Variants in PYGM observed in about 807,000 individuals in gnomAD.
The protein encoded by PYGM is glycogen phosphorylase, muscle associated, also known as glycogen phosphorylase, muscle form.
A neutral mutation model predicts 99.3 loss-of-function variants in PYGM; 81 were observed. The observed-to-expected ratio is 0.82, with a 90% CI of 0.68 to 0.98. The LOEUF (loss-of-function observed/expected upper bound fraction) is 0.98. Among genes scored for constraint, PYGM ranks in the 50% least tolerant of loss-of-function variants. The pLI, the probability that PYGM is intolerant of heterozygous loss-of-function variation, is 0.00. For synonymous variants in PYGM, 436 were observed against 451.5 expected (o/e 0.97, Z 0.44); for missense variants, 1,030 against 1,158.1 (o/e 0.89, Z 1.61).
rs1222462807 is a variant in PYGM at position 64,754,327 on chromosome 11, C to T, written c.1018G>A (p.Asp340Asn). ...GGGATGGCCAGGGAGGGGTGGGTGT[C>T]ATTGAGCTGGATGGCCACCTGGGGT... ...FPDKVAIQLNDTHPSLAIPEL... is the reference protein window; with the variant it reads ...FPDKVAIQLNNTHPSLAIPEL... The change falls in exon 9 of 20, where the codon GAC becomes AAC. Residue 340 changes from aspartate (D) to asparagine (N), a missense_variant. Transcript: ENST00000164139. The surrounding 1 kb of genome is among the most constrained non-coding windows in gnomAD (Gnocchi z 5.5). 9.3e-6 allele frequency: 15 copies of T among 1,613,342 alleles called. No individual in the cohort carries two copies. The South Asian group carries it at 1.6e-4, about 18-fold the overall frequency.
Position 64,759,667 on chromosome 11 carries a change from T to A in PYGM, c.232A>T (p.Lys78Ter). Residue 78 changes from lysine to a stop codon, truncating the protein, a stop_gained, in exon 1 of 20, where the codon AAG (lysine) becomes TAG (stop). Transcript: ENST00000164139. LOFTEE classifies it high-confidence loss of function. ...CTCCCCAGCAGCACCTTGGGGTCCTTCTCATAGTAGTGCTGCTGCGTGCGG... is the reference window on the plus strand; with the variant it reads ...CTCCCCAGCAGCACCTTGGGGTCCTACTCATAGTAGTGCTGCTGCGTGCGG... ...WIRTQQHYYEKDPKRIYYLSL... is the reference protein window; with the variant it reads ...WIRTQQHYYE The A allele has an allele frequency of 6.2e-7, 1 of 1,613,716 alleles. No homozygotes were observed. Among genetic ancestry groups the A allele is most frequent in the Non-Finnish European group, 8.5e-7 (1 of 1,179,890 alleles).
chr11:64,747,122 G>T, intron 18 of PYGM, 102 bp downstream of exon 18: 1 of 1,575,120 alleles, frequency 6.3e-7, no homozygotes, highest in Non-Finnish European at 8.7e-7. Flanking sequence ...AAAGGCGCCT[G>T]GCTCCAACTA....
chr11:64,754,660 C>G lies in PYGM; in HGVS notation c.999+33G>C, dbSNP rs766974603. ...AGGGAGAGGCCTAGCACACACTGTC[C>G]GGTCACAGAGTCGCCCTCCACACGC... On this transcript the variant is annotated intron_variant, in intron 8 of 19. Transcript: ENST00000164139. This position sits in a 1 kb window ranked among gnomAD's most constrained non-coding sequence, Gnocchi z 5.5. 6.2e-7 allele frequency: 1 copy of G among 1,610,588 alleles called. No individual in the cohort carries two copies. Among genetic ancestry groups the G allele is most frequent in the Non-Finnish European group, 8.5e-7 (1 of 1,179,058 alleles).
Position 64,751,765 on chromosome 11 carries a change from A to G in PYGM, c.1769-110T>C, listed in dbSNP as rs1316920414. On this transcript the variant is annotated intron_variant, in intron 14 of 19. Transcript: ENST00000164139. ...GGCCTGACTCGAACAATCACTTGCT[A>G]TGCTCTCTTAGCCTCAGTTTGCCCA... 2.2e-5 allele frequency: 34 copies of G among 1,523,182 alleles called. No homozygotes were observed. In the Admixed American group the frequency reaches 5.7e-4, roughly 26 times the overall value. The allele number at this position is 1,523,182 out of a possible 1,614,324, so 94.4% of individuals were successfully genotyped here.
rs1301806354 is a variant in PYGM at position 64,747,346 on chromosome 11, C to T, written c.2190G>A (p.Gln730=). The change falls in exon 18 of 20, where the codon CAG becomes CAA. Residue 730 remains glutamine, a synonymous_variant. Coordinates refer to ENST00000164139, the MANE Select transcript of PYGM (RefSeq NM_005609.4). ...GCTCAGGAATGCGATCGTAGTACTC[C>T]TGGGCATTGTACCTGCCAGGACAGA... ...DKLDQRGYNA[Q]EYYDRIPELR... is the part of the protein sequence containing the mutation. The T allele has an allele frequency of 1.9e-6, 3 of 1,614,102 alleles. No individual in the cohort carries two copies. The highest frequency in any genetic ancestry group is 1.3e-5 in the African/African-American group (1 of 74,934).
Position 64,754,371 on chromosome 11 carries a change from G to C in PYGM, c.1000-26C>G, listed in dbSNP as rs1356840783. The C allele has an allele frequency of 4.5e-6, 7 of 1,555,216 alleles. No homozygotes were observed. In the South Asian group the frequency reaches 7.8e-5, roughly 17 times the overall value. ...CTGGGGTAGGGGGAGGGGTCAGTCT[G>C]GGCTCCAAACCACATTCCATGCTAT... On this transcript the variant is annotated intron_variant, in intron 8 of 19. Coordinates refer to ENST00000164139, the MANE Select transcript of PYGM (RefSeq NM_005609.4). This position sits in a 1 kb window ranked among gnomAD's most constrained non-coding sequence, Gnocchi z 5.5.
At chr11:64,757,365 G>C (rs138902000) in intron 5 of PYGM, among the ~76,000 whole-genome samples, 31 of 152,278 alleles carry the variant, frequency 2.0e-4, no homozygotes, top group African/African-American at 7.0e-4. Flanking sequence ...GATTTGGTTT[G>C]GTTTTAGGAT....
At chr11:64,750,006 A>G (rs2058342878) in intron 17 of PYGM, among the ~76,000 whole-genome samples, 1 of 152,020 alleles carries the variant, frequency 6.6e-6, no homozygotes, top group South Asian at 2.1e-4. Flanking sequence ...GTTAGCCAGG[A>G]TGGTCTGGAT....
rs142234258 is a variant in PYGM at position 64,757,779 on chromosome 11, C to T, written c.660G>A (p.Gln220=). The T allele has an allele frequency of 2.5e-3, 4,066 of 1,614,170 alleles. 8 individuals carry two copies. Among genetic ancestry groups the T allele is most frequent in the South Asian group, 6.7e-3 (608 of 91,082 alleles). The change falls in exon 5 of 20, where the codon CAG becomes CAA. Residue 220 remains glutamine (Q), a splice_region_variant and synonymous_variant. Coordinates refer to ENST00000164139, the MANE Select transcript of PYGM (RefSeq NM_005609.4). ...CCCTGACCCCCAGCTTCATCCTCAC[C>T]TGTGTGTCCACCCACTTGGCACCCT... ...TSQGAKWVDT[Q]VVLAMPYDTP...
intron 4 of PYGM, 28 bp from the exon 5 acceptor site, chr11:64,757,938 G>A (rs370127204): frequency 3.7e-6 from 6 of 1,613,210 alleles, no homozygotes; most frequent in South Asian, 2.2e-5. Flanking sequence ...CAGGGAGAAA[G>A]GCCAGCAGTA....
chr11:64,752,573 T>C, intron 12 of PYGM, 69 bp from the exon 13 acceptor site: 2 of 1,468,382 alleles, frequency 1.4e-6, no homozygotes, highest in Non-Finnish European at 1.9e-6. Flanking sequence ...GAAGGGGCCA[T>C]TTCCAGGTCA....
chr11:64,747,606 C>T (rs1236744891), intron 17 of PYGM: 4 of 534,968 alleles, frequency 7.5e-6, no homozygotes, highest in East Asian at 6.7e-5. Context: ...GAGCCAAGGC[C>T]CCCAAACAAG....
chr11:64,747,596 G>A, intron 17 of PYGM: 1 of 552,188 alleles, frequency 1.8e-6, no homozygotes. Flanking sequence ...CTAAGTGTTA[G>A]AGCCAAGGCC....
In PYGM at chr11:64,751,717, A is replaced by G; in HGVS notation, c.1769-62T>C. 3 of 1,598,250 alleles carry G rather than the reference A, an allele frequency of 1.9e-6. No homozygotes were observed. The South Asian group carries it at 3.3e-5, about 18-fold the overall frequency. ...TTCCCTCTGGGTAGTAGCTCCTGACAGAGGCTGGGCTGGGACACCGTAGGC... is the reference window on the plus strand; with the variant it reads ...TTCCCTCTGGGTAGTAGCTCCTGACGGAGGCTGGGCTGGGACACCGTAGGC... On this transcript the variant is annotated intron_variant, in intron 14 of 19. Coordinates refer to ENST00000164139, the MANE Select transcript of PYGM (RefSeq NM_005609.4).
At chr11:64,756,272 C>T (rs560995533) in intron 5 of PYGM, among the ~76,000 whole-genome samples, 185 of 152,332 alleles carry the variant, frequency 1.2e-3, no homozygotes, top group African/African-American at 4.3e-3. Flanking sequence ...CCAGCCACAG[C>T]CACTTGTGCC....
intron 11 of PYGM, 53 bp from the exon 12 acceptor site, chr11:64,753,240 C>T: frequency 6.6e-7 from 1 of 1,518,444 alleles, no homozygotes; most frequent in South Asian, 1.1e-5. Flanking sequence ...CAATGAAGGC[C>T]TCTGCCCTGG....
chr11:64,759,591 C>A, intron 1 of PYGM, 65 bp downstream of exon 1: 1 of 1,602,230 alleles, frequency 6.2e-7, no homozygotes, highest in South Asian at 1.1e-5. Context: ...CCACTTAAGT[C>A]AAGATCGCCA....
chr11:64,751,049 G>A (rs567015840), intron 16 of PYGM: 14 of 421,390 alleles, frequency 3.3e-5, no homozygotes, highest in Non-Finnish European at 5.6e-5. Context: ...CTGCCATCAC[G>A]CCCAGCTAAT....
rs755084929 is a variant in PYGM at position 64,755,281 on chromosome 11, T to C, written c.847A>G (p.Asn283Asp). The change falls in exon 7 of 20, where the codon AAT becomes GAT. Residue 283 changes from asparagine (N) to aspartate (D), a missense_variant. By Grantham distance (23) the Asn-to-Asp change is conservative. Coordinates refer to ENST00000164139, the MANE Select transcript of PYGM (RefSeq NM_005609.4). This position sits in a 1 kb window ranked among gnomAD's most constrained non-coding sequence, Gnocchi z 4.1. Reference sequence around the variant, plus strand: ...CCCAGGGGGTGACGCACATTATCATTGGGGTACAGGACACGAGAGATGTTC... The same window carrying C: ...CCCAGGGGGTGACGCACATTATCATCGGGGTACAGGACACGAGAGATGTTC... The part of the protein sequence containing the change: ...AENISRVLYP[N>D]DNFFEGKELR... 6 of 1,613,906 alleles carry C rather than the reference T, an allele frequency of 3.7e-6. No individual in the cohort carries two copies. In the South Asian group the frequency reaches 6.6e-5, roughly 18 times the overall value.
Sources: allele counts gnomAD v4.1 joint callset (sites outside exome capture counted in the v4.1 genomes callset), GRCh38; gene constraint gnomAD v4.1.1; non-coding constraint Gnocchi (gnomAD v3.1); transcripts MANE v1.5; gene names NCBI Gene and HGNC (gene_info 2026-07-23, HGNC 2026-07-21).